ADAMTS18: variants seen among roughly 807,000 people sequenced by gnomAD.
The protein encoded by ADAMTS18 is A disintegrin and metalloproteinase with thrombospondin motifs 18.
Under a neutral mutation model 165.9 loss-of-function variants are expected in ADAMTS18, and 157 were observed. The observed-to-expected ratio is 0.95, with a 90% CI of 0.83 to 1.08. The LOEUF (loss-of-function observed/expected upper bound fraction) is 1.08, where lower values mean the gene tolerates loss of function less well. ADAMTS18 is among the 50% of genes least tolerant of loss of function. ADAMTS18 has a pLI of 0.00. For synonymous variants in ADAMTS18, 782 were observed against 578.2 expected (o/e 1.35, Z -5.06); for missense variants, 2,040 against 1,534.0 (o/e 1.33, Z -5.51).
In ADAMTS18 at chr16:77,291,424, T is replaced by A. The variant is rs2144565433; in HGVS notation, c.3244A>T (p.Lys1082Ter). The part of the protein sequence containing the change: ...VRKREMKCSE[K>*]GFQGKLITFP... The stretch of plus-strand genomic sequence containing the variant: ...GTTATCAGCTTTCCCTGGAAGCCCT[T>A]CTCGCTGCACTTCATCTCCCTCTTC... The change falls in exon 21 of 23, where the codon AAG becomes TAG. Residue 1082 changes from lysine to a stop codon, truncating the protein, a stop_gained. Transcript: ENST00000282849. LOFTEE classifies it high-confidence loss of function. 1 of 1,614,168 alleles carries A rather than the reference T, an allele frequency of 6.2e-7. No individual in the cohort carries two copies. The highest frequency in any genetic ancestry group is 8.5e-7 in the Non-Finnish European group (1 of 1,180,006).
At chr16:77,377,081 C>T (rs1376570601) in intron 3 of ADAMTS18, among the ~76,000 whole-genome samples, 1 of 152,170 alleles carries the variant, frequency 6.6e-6, no homozygotes, top group Non-Finnish European at 1.5e-5. Flanking sequence ...TCCCAAAGAT[C>T]TGGGATTACA....
At chr16:77,314,753 CATATATATATATATATATATATAT>C (rs36191323) in intron 16 of ADAMTS18, among the ~76,000 whole-genome samples, 2 of 36,902 alleles carry the variant, frequency 5.4e-5, no homozygotes, top group Non-Finnish European at 1.1e-4. Flanking sequence ...TCTCAGGTTT[CATATATATATATATATATATATAT>C]ATATATATAA....
At chr16:77,416,452 C>T (rs1263573520) in intron 3 of ADAMTS18, among the ~76,000 whole-genome samples, 3 of 152,178 alleles carry the variant, frequency 2.0e-5, no homozygotes, top group Non-Finnish European at 2.9e-5. Context: ...ATAACTGAAT[C>T]ATGGGGGTGG....
chr16:77,357,028 G>A (rs144244011), intron 8 of ADAMTS18, among the ~76,000 whole-genome samples: 26 of 147,130 alleles, frequency 1.8e-4, no homozygotes, highest in African/African-American at 5.5e-4. Context: ...GAGGACGGAA[G>A]GATATAAATA....
Position 77,282,539 on chromosome 16 carries a change from A to C in ADAMTS18, c.*1417T>G, listed in dbSNP as rs1361335140. The C allele has an allele frequency of 6.6e-6, 1 of 152,638 alleles. No homozygotes were observed. The highest frequency in any genetic ancestry group is 1.5e-5 in the Non-Finnish European group (1 of 68,024). 9.5% of individuals were successfully genotyped at this position (152,638 alleles called of 1,614,324 possible). On this transcript the variant is annotated 3_prime_UTR_variant, in exon 23 of 23. Coordinates refer to ENST00000282849, the MANE Select transcript of ADAMTS18 (RefSeq NM_199355.4). ...TGCTAAATTTAACAAACCACTGTCT[A>C]GTTGATTATGCTGAGCTGGCTAATC...
Position 77,289,357 on chromosome 16 carries a change from G to C in ADAMTS18, c.3457C>G (p.Gln1153Glu). ...VQTRSVHCVQ[Q>E]GRPSSSCLLH... Reference sequence around the variant, plus strand: ...AGACAACTTGAGGAAGGCCGGCCTTGCTGAACACAGTGGACTGACCGGGTC... The same window carrying C: ...AGACAACTTGAGGAAGGCCGGCCTTCCTGAACACAGTGGACTGACCGGGTC... Residue 1153 changes from glutamine (Q) to glutamate (E), a missense_variant, in exon 22 of 23, where the codon CAA (glutamine) becomes GAA (glutamate). Gln to Glu is a conservative substitution (Grantham distance 29). Coordinates refer to ENST00000282849, the MANE Select transcript of ADAMTS18 (RefSeq NM_199355.4). 6.2e-7 allele frequency: 1 copy of C among 1,614,110 alleles called. No individual in the cohort carries two copies. Among genetic ancestry groups the C allele is most frequent in the East Asian group, 2.2e-5 (1 of 44,868 alleles).
chr16:77,309,121 T>C (rs1346166668), intron 16 of ADAMTS18, among the ~76,000 whole-genome samples: 1 of 152,206 alleles, frequency 6.6e-6, no homozygotes, highest in Non-Finnish European at 1.5e-5. Context: ...GGAAATTATT[T>C]AGTTTTATAT....
At position 77,308,868 on chromosome 16, in the gene ADAMTS18, AAC is replaced by A. The variant is rs910039253; in HGVS notation, c.2533-8466_2533-8465del. 4.6e-5 allele frequency among the ~76,000 whole-genome samples: 7 copies of A among 152,160 alleles called. No homozygotes were observed. In the East Asian group the frequency reaches 5.8e-4, roughly 13 times the overall value. On this transcript the variant is annotated intron_variant, in intron 16 of 22. Transcript: ENST00000282849. ...ATCACTTGAAAATTTAATTTCTTACAACACACACACACTTAATTTAGATATTC... is the reference window on the plus strand; with the variant it reads ...ATCACTTGAAAATTTAATTTCTTACAACACACACACTTAATTTAGATATTC...
At chr16:77,433,766 C>G (rs536363760) in intron 2 of ADAMTS18, among the ~76,000 whole-genome samples, 1 of 152,236 alleles carries the variant, frequency 6.6e-6, no homozygotes, top group African/African-American at 2.4e-5. Context: ...TGATGGGAAA[C>G]AATCAAAACA....
At chr16:77,306,889 TA>T (rs2055691994) in intron 16 of ADAMTS18, among the ~76,000 whole-genome samples, 1 of 152,210 alleles carries the variant, frequency 6.6e-6, no homozygotes, top group Non-Finnish European at 1.5e-5. Context: ...TGTTTAACCC[TA>T]AAACCTCACA....
At chr16:77,317,115 A>T (rs9933515) in intron 16 of ADAMTS18, among the ~76,000 whole-genome samples, 65,806 of 151,798 alleles carry the variant, frequency 0.43, 15,007 homozygotes, top group East Asian at 0.88. Context: ...CTGTTTTTTT[A>T]TCTCATACTT....
chr16:77,335,073 T>C (rs1005069156), intron 12 of ADAMTS18, among the ~76,000 whole-genome samples: 1 of 147,592 alleles, frequency 6.8e-6, no homozygotes, highest in Admixed American at 6.9e-5. Flanking sequence ...ATAGTATTAT[T>C]TGAATTAATG....
At chr16:77,353,434 T>C (rs1331563096) in intron 10 of ADAMTS18, among the ~76,000 whole-genome samples, 1 of 152,164 alleles carries the variant, frequency 6.6e-6, no homozygotes, top group Non-Finnish European at 1.5e-5. Context: ...ACAAAAGCAG[T>C]GATTAGCAGC....
intron 3 of ADAMTS18, among the ~76,000 whole-genome samples, chr16:77,430,819 G>T (rs553346165): frequency 8.5e-5 from 13 of 152,178 alleles, no homozygotes; most frequent in Non-Finnish European, 1.8e-4. Context: ...ATGTGAGCAG[G>T]ACACCAGCAA....
Position 77,353,841 on chromosome 16 carries a change from T to C in ADAMTS18, c.1506A>G (p.Gly502=), listed in dbSNP as rs1452411663. 6.2e-7 allele frequency: 1 copy of C among 1,614,174 alleles called. No homozygotes were observed. The highest frequency in any genetic ancestry group is 2.2e-5 in the East Asian group (1 of 44,870). ...GTAGTTTGTCCGGATATTTATACTGTCCTGCTTGCTTGGGCTCATCCACTA... is the reference window on the plus strand; with the variant it reads ...GTAGTTTGTCCGGATATTTATACTGCCCTGCTTGCTTGGGCTCATCCACTA... ...GCLVDEPKQA[G]QYKYPDKLPG... is the part of the protein sequence containing the mutation. Residue 502 remains glycine (G), a synonymous_variant, in exon 10 of 23, where the codon GGA becomes GGG. Coordinates refer to ENST00000282849, the MANE Select transcript of ADAMTS18 (RefSeq NM_199355.4).
At chr16:77,368,491 C>T (rs1000242328) in intron 3 of ADAMTS18, among the ~76,000 whole-genome samples, 1 of 143,236 alleles carries the variant, frequency 7.0e-6, no homozygotes, top group Non-Finnish European at 1.5e-5. Flanking sequence ...GGTTGGAGTA[C>T]AATAGCACTA....
chr16:77,373,343 C>T (rs2056903013), intron 3 of ADAMTS18, among the ~76,000 whole-genome samples: 1 of 151,880 alleles, frequency 6.6e-6, no homozygotes, highest in Non-Finnish European at 1.5e-5. Flanking sequence ...CATATAGTCC[C>T]AGCTACTCGG....
chr16:77,400,975 G>T (rs1441087924), intron 3 of ADAMTS18, among the ~76,000 whole-genome samples: 2 of 152,056 alleles, frequency 1.3e-5, no homozygotes, highest in Non-Finnish European at 2.9e-5. Flanking sequence ...AAACCAAATT[G>T]CCAGGCATGG....
intron 3 of ADAMTS18, among the ~76,000 whole-genome samples, chr16:77,370,621 G>C (rs961117566): frequency 6.6e-6 from 1 of 152,012 alleles, no homozygotes; most frequent in Non-Finnish European, 1.5e-5. Flanking sequence ...ATGATGGTGG[G>C]CATCTGTAGT....
Sources: gnomAD v4.1 joint callset for allele counts (sites outside exome capture counted in the v4.1 genomes callset) on GRCh38, gnomAD v4.1.1 for gene constraint, MANE v1.5 for transcripts, NCBI Gene and HGNC (gene_info 2026-07-23, HGNC 2026-07-21) for gene names.